MED14: variants seen among roughly 807,000 people sequenced by gnomAD.
MED14 encodes mediator complex subunit 14, also known as mediator of RNA polymerase II transcription subunit 14.
Under a neutral mutation model 109.0 loss-of-function variants are expected in MED14, and 8 were observed. The ratio of observed to expected loss-of-function variants is 0.07; its 90% CI spans 0.04 to 0.13. The LOEUF is 0.13. Among genes scored for constraint, MED14 ranks in the 10% least tolerant of loss-of-function variants. MED14 has a pLI of 1.00. For synonymous variants in MED14, 399 were observed against 408.7 expected, an observed-to-expected ratio of 0.98 and a Z score of 0.29; for missense variants, 711 against 1,142.4, an observed-to-expected ratio of 0.62 and a Z score of 5.44.
intron 28 of MED14, among the ~76,000 whole-genome samples, chrX:40,656,986 C>T (rs371405356): frequency 1.8e-5 from 2 of 111,487 alleles, no homozygotes; most frequent in South Asian, 3.8e-4. Context: ...CTTCTGGGTT[C>T]GAGCGATTCT....
intron 23 of MED14, 52 bp from the exon 24 acceptor site, chrX:40,666,903 T>G (rs994139990): frequency 9.5e-7 from 1 of 1,056,074 alleles, no homozygotes; most frequent in East Asian, 3.3e-5. Flanking sequence ...TTTTATGTCC[T>G]GTCCAAGGAC....
At chrX:40,691,680 T>C (rs1299440069) in intron 15 of MED14, among the ~76,000 whole-genome samples, 3 of 97,412 alleles carry the variant, frequency 3.1e-5, no homozygotes, top group African/African-American at 1.1e-4. Flanking sequence ...GGTGCAATCT[T>C]GACTCACTGC....
At chrX:40,709,955 T>C (rs1569294405) in intron 9 of MED14, 24 bp downstream of exon 9, 1 of 1,089,190 alleles carries the variant, frequency 9.2e-7, no homozygotes, top group Non-Finnish European at 1.2e-6. Context: ...TAAACCAATA[T>C]GAAAATATAT....
intron 10 of MED14, among the ~76,000 whole-genome samples, chrX:40,708,202 T>G (rs1221322015): frequency 9.0e-6 from 1 of 110,678 alleles, no homozygotes; most frequent in Non-Finnish European, 1.9e-5. Flanking sequence ...TTATTTCTTT[T>G]TTAAGGCCCA....
chrX:40,719,191 C>T (rs982254961), intron 3 of MED14, among the ~76,000 whole-genome samples: 1 of 112,009 alleles, frequency 8.9e-6, no homozygotes, highest in East Asian at 2.8e-4. Flanking sequence ...AACTAAACTT[C>T]CATACATTGC....
intron 28 of MED14, among the ~76,000 whole-genome samples, chrX:40,655,898 G>A (rs1036949458): frequency 5.7e-4 from 63 of 110,509 alleles, no homozygotes; most frequent in African/African-American, 1.9e-3. Flanking sequence ...AAAGATCACC[G>A]TAAGACTGAA....
chrX:40,717,808 C>T (rs1931589451), intron 3 of MED14, among the ~76,000 whole-genome samples: 1 of 112,443 alleles, frequency 8.9e-6, no homozygotes, highest in Non-Finnish European at 1.9e-5. Flanking sequence ...CAGGCGTGAG[C>T]CACTGCACCC....
chrX:40,697,016 A>G lies in MED14; in HGVS notation c.1650+8T>C, dbSNP rs758141517. On this transcript the variant is annotated splice_region_variant and intron_variant, in intron 13 of 30. Transcript: ENST00000324817. ...TGATCACTCCAAATCACTCCTTTGC[A>G]TACTTACAATGTAGTATTGTGGAAG... 5.0e-6 allele frequency: 6 copies of G among 1,190,855 alleles called. No homozygotes were observed. The East Asian group carries it at 8.9e-5, about 18-fold the overall frequency.
chrX:40,707,880 T>C (rs1410460236), intron 10 of MED14, among the ~76,000 whole-genome samples: 3 of 111,771 alleles, frequency 2.7e-5, no homozygotes, highest in African/African-American at 9.7e-5. Flanking sequence ...GTAAAAACCA[T>C]TGAATGAGGT....
intron 13 of MED14, 99 bp from the exon 14 acceptor site, chrX:40,693,001 G>T: frequency 5.8e-6 from 3 of 515,099 alleles, no homozygotes; most frequent in Non-Finnish European, 8.2e-6. Flanking sequence ...TAAATCTAAT[G>T]TAGATGTCTT....
chrX:40,710,148 T>G lies in MED14; in HGVS notation c.1023-19A>C. The G allele has an allele frequency of 9.0e-7, 1 of 1,107,468 alleles. No individual in the cohort carries two copies. Among genetic ancestry groups the G allele is most frequent in the Non-Finnish European group, 1.2e-6 (1 of 831,863 alleles). The allele number at this position is 1,107,468 out of a possible 1,213,427, so 91.3% of individuals were successfully genotyped here. A position where few individuals can be genotyped will look rare whatever the true frequency, so the allele number is the denominator to read the frequency against. ...CTGTTGACTAAAGAAAAAAATGAAA[T>G]GAAGAATTTTTTTCAACACAGTCTG... On this transcript the variant is annotated intron_variant, in intron 8 of 30. Coordinates refer to ENST00000324817, the MANE Select transcript of MED14 (RefSeq NM_004229.4).
chrX:40,681,211 G>A (rs1253873192), intron 19 of MED14, among the ~76,000 whole-genome samples: 2 of 111,784 alleles, frequency 1.8e-5, no homozygotes. Context: ...CTCTTGAACT[G>A]AAGAAGAGTC....
chrX:40,721,204 G>T (rs1931705886), intron 3 of MED14, among the ~76,000 whole-genome samples: 1 of 111,289 alleles, frequency 9.0e-6, no homozygotes, highest in Admixed American at 9.4e-5. Context: ...GGGTCCCCAA[G>T]TCCAGGCCTA....
chrX:40,735,364 C>T lies in MED14; in HGVS notation c.49G>A (p.Gly17Ser). 1 of 1,063,025 alleles carries T rather than the reference C, an allele frequency of 9.4e-7. No individual in the cohort carries two copies. Among genetic ancestry groups the T allele is most frequent in the Non-Finnish European group, 1.2e-6 (1 of 827,401 alleles). 87.6% of individuals were successfully genotyped at this position (1,063,025 alleles called of 1,213,427 possible). ...ENHQLVPPGG[G>S]GGGSGGPPSA... is the part of the protein sequence containing the mutation. ...GGGGGTCCGCCGCTGCCCCCGCCGCCGCCTCCGGGCGGGACCAGCTGGTGG... is the reference window on the plus strand; with the variant it reads ...GGGGGTCCGCCGCTGCCCCCGCCGCTGCCTCCGGGCGGGACCAGCTGGTGG... The change falls in exon 1 of 31, where the codon GGC becomes AGC. Residue 17 changes from glycine to serine, a missense_variant. By Grantham distance (56) the Gly-to-Ser change is moderately conservative. Around this residue, in one of 8 missense-constraint regions of MED14, gnomAD observed 62 missense variants for 55.2 expected, o/e 1.12. Transcript: ENST00000324817.
chrX:40,730,047 A>G (rs1313324671), intron 1 of MED14, among the ~76,000 whole-genome samples: 1 of 111,654 alleles, frequency 9.0e-6, no homozygotes, highest in Non-Finnish European at 1.9e-5. Context: ...GTTAACCTCT[A>G]TCCCACAGTC....
rs375132522 is a variant in MED14, at chrX:40,682,593, C to A, written c.2365+10G>T. 4.9e-5 allele frequency: 56 copies of A among 1,134,069 alleles called. 1 individual carries two copies. In the African/African-American group the frequency reaches 9.7e-4, roughly 20 times the overall value. The allele number at this position is 1,134,069 out of a possible 1,213,427, so 93.5% of individuals were successfully genotyped here. Reference sequence around the variant, plus strand: ...AATTTATTTAAAAAGGAGATTATCTCCACACGTACCTGGTAGAGAACGTGC... The same window carrying A: ...AATTTATTTAAAAAGGAGATTATCTACACACGTACCTGGTAGAGAACGTGC... On this transcript the variant is annotated intron_variant, in intron 18 of 30. Transcript: ENST00000324817.
chrX:40,695,843 TG>T (rs1179616847), intron 13 of MED14, among the ~76,000 whole-genome samples: 2 of 112,424 alleles, frequency 1.8e-5, no homozygotes, highest in African/African-American at 3.2e-5. Flanking sequence ...CAGCCTACAA[TG>T]GTGTCCTTTT....
chrX:40,709,445 T>G lies in MED14; in HGVS notation c.1188A>C (p.Ser396=). The G allele has an allele frequency of 9.0e-7, 1 of 1,105,269 alleles. No individual in the cohort carries two copies. The highest frequency in any genetic ancestry group is 2.3e-5 in the South Asian group (1 of 44,359). 91.1% of individuals were successfully genotyped at this position (1,105,269 alleles called of 1,213,427 possible). Residue 396 remains serine, a synonymous_variant, in exon 10 of 31, where the codon TCA becomes TCC. Coordinates refer to ENST00000324817, the MANE Select transcript of MED14 (RefSeq NM_004229.4). The part of the protein sequence containing the change: ...VERAMKIDHL[S]IEKLLIDSVH... ...CACTGTCAATCAGGAGTTTTTCTAT[T>G]GATAAGTGGTCGATCTGCATAAATA...
intron 10 of MED14, among the ~76,000 whole-genome samples, chrX:40,704,668 A>G (rs1039868869): frequency 7.1e-5 from 8 of 112,608 alleles, no homozygotes; most frequent in Non-Finnish European, 1.5e-4. Flanking sequence ...TAAATTTTCA[A>G]TAATTCAAAT....
Sources: allele counts gnomAD v4.1 joint callset (sites outside exome capture counted in the v4.1 genomes callset), GRCh38; gene constraint gnomAD v4.1.1; regional missense constraint gnomAD v4.1.1; transcripts MANE v1.5; gene names NCBI Gene and HGNC (gene_info 2026-07-23, HGNC 2026-07-21).